Variants in PITPNC1 observed in about 807,000 individuals in gnomAD.
The protein encoded by PITPNC1 is cytoplasmic phosphatidylinositol transfer protein 1.
In PITPNC1, 18 loss-of-function variants were observed where a neutral mutation model predicts 44.7. The observed-to-expected ratio is 0.40, with a 90% CI of 0.28 to 0.60. The LOEUF (loss-of-function observed/expected upper bound fraction) is 0.60. Among genes scored for constraint, PITPNC1 ranks in the 20% least tolerant of loss-of-function variants. PITPNC1 has a pLI of 0.39. For missense variants in PITPNC1, 290 were observed against 418.4 expected (o/e 0.69, Z 2.68); for synonymous variants, 141 against 149.6 (o/e 0.94, Z 0.42).
chr17:67,420,724 G>T (rs574997211), intron 1 of PITPNC1, among the ~76,000 whole-genome samples: 3 of 151,992 alleles, frequency 2.0e-5, no homozygotes, highest in Non-Finnish European at 4.4e-5. Context: ...GAGCCACTGC[G>T]CCCGGCCTCA....
chr17:67,396,315 T>G (rs2038219125), intron 1 of PITPNC1, among the ~76,000 whole-genome samples: 1 of 152,224 alleles, frequency 6.6e-6, no homozygotes, highest in Admixed American at 6.5e-5. Flanking sequence ...AGGAGTTGTT[T>G]CTTTTACATT....
intron 1 of PITPNC1, among the ~76,000 whole-genome samples, chr17:67,422,834 C>G (rs952911703): frequency 1.3e-5 from 2 of 152,140 alleles, no homozygotes; most frequent in Non-Finnish European, 2.9e-5. Context: ...GCTACCACGC[C>G]GGTCTAGCTT....
At chr17:67,558,797 G>A (rs1241112714) in intron 4 of PITPNC1, among the ~76,000 whole-genome samples, 1 of 152,000 alleles carries the variant, frequency 6.6e-6, no homozygotes, top group Admixed American at 6.6e-5. Context: ...TGAGAGAGGT[G>A]GAAAAATAAA....
rs757236758 is a variant in PITPNC1, at chr17:67,516,635, T to G, written c.49-16167T>G. ...CCCCGTTCTTTCTTGCCATGCTAGT[T>G]TCTTTTTTGAGATGGAGTCTAGCTC... On this transcript the variant is annotated intron_variant, in intron 1 of 8. Transcript: ENST00000581322. Among the ~76,000 whole-genome samples the G allele has an allele frequency of 4.3e-4, 65 of 152,266 alleles. 1 individual carries two copies. The highest frequency in any genetic ancestry group is 4.7e-4 in the Non-Finnish European group (32 of 68,018).
At chr17:67,633,741 A>C (rs781700183) in intron 6 of PITPNC1, among the ~76,000 whole-genome samples, 1 of 152,276 alleles carries the variant, frequency 6.6e-6, no homozygotes, top group Non-Finnish European at 1.5e-5. Context: ...CCAGTGCTTA[A>C]TGGGGCTCTG....
intron 4 of PITPNC1, among the ~76,000 whole-genome samples, chr17:67,556,331 T>G (rs2040838181): frequency 6.6e-6 from 1 of 152,184 alleles, no homozygotes; most frequent in African/African-American, 2.4e-5. Context: ...GTTGTCAACC[T>G]TAGTAAGTGA....
chr17:67,408,751 T>C (rs183528937), intron 1 of PITPNC1: 28 of 150,270 alleles, frequency 1.9e-4, no homozygotes, highest in African/African-American at 6.7e-4. Flanking sequence ...TCTCTCTTTC[T>C]TTCTTTCTTT....
intron 5 of PITPNC1, among the ~76,000 whole-genome samples, chr17:67,623,784 G>A (rs2041862804): frequency 6.6e-6 from 1 of 152,166 alleles, no homozygotes; most frequent in South Asian, 2.1e-4. Flanking sequence ...CAAAGTTTCT[G>A]TTGTAGAGAA....
At chr17:67,648,935 C>G (rs1004139711) in intron 6 of PITPNC1, among the ~76,000 whole-genome samples, 15 of 152,194 alleles carry the variant, frequency 9.9e-5, no homozygotes, top group African/African-American at 3.6e-4. Context: ...GGGAGGATCA[C>G]TTGAGGCCAG....
intron 5 of PITPNC1, among the ~76,000 whole-genome samples, chr17:67,629,933 G>C (rs2041944957): frequency 6.6e-6 from 1 of 152,188 alleles, no homozygotes; most frequent in South Asian, 2.1e-4. Context: ...GGACAAATCT[G>C]AAGAGTCCAG....
At chr17:67,647,464 G>GTTTTTTTTGTTTTTTTTTTTTTTT (rs2042162118) in intron 6 of PITPNC1, among the ~76,000 whole-genome samples, 6 of 72,360 alleles carry the variant, frequency 8.3e-5, no homozygotes, top group African/African-American at 2.2e-4. Flanking sequence ...CTAATTTTGG[G>GTTTTTTTTGTTTTTTTTTTTTTTT]TTTTTTTTTT....
intron 1 of PITPNC1, among the ~76,000 whole-genome samples, chr17:67,515,118 A>G (rs545997136): frequency 6.6e-6 from 1 of 152,328 alleles, no homozygotes; most frequent in East Asian, 1.9e-4. Flanking sequence ...AGAAGGAACC[A>G]GGCTGACCTT....
At chr17:67,464,623 G>C (rs928074582) in intron 1 of PITPNC1, among the ~76,000 whole-genome samples, 1 of 152,156 alleles carries the variant, frequency 6.6e-6, no homozygotes, top group South Asian at 2.1e-4. Flanking sequence ...CAGTGGACCA[G>C]GAGAAGATTG....
chr17:67,680,029 A>G (rs1242984685), intron 8 of PITPNC1, among the ~76,000 whole-genome samples: 1 of 152,188 alleles, frequency 6.6e-6, no homozygotes, highest in Non-Finnish European at 1.5e-5. Flanking sequence ...TGTAGACGAC[A>G]CTACCTCATG....
At chr17:67,443,132 C>G (rs1018622075) in intron 1 of PITPNC1, among the ~76,000 whole-genome samples, 5 of 152,012 alleles carry the variant, frequency 3.3e-5, no homozygotes, top group African/African-American at 1.2e-4. Context: ...CAATCTGGCC[C>G]CCACCTAACC....
chr17:67,635,159 G>A (rs2042018909), intron 6 of PITPNC1, among the ~76,000 whole-genome samples: 4 of 152,224 alleles, frequency 2.6e-5, no homozygotes. Flanking sequence ...GTTCTGGATG[G>A]AGAATGGACT....
At chr17:67,387,440 C>T (rs1320414763) in intron 1 of PITPNC1, among the ~76,000 whole-genome samples, 1 of 152,116 alleles carries the variant, frequency 6.6e-6, no homozygotes, top group Admixed American at 6.5e-5. Flanking sequence ...CCGAGGCAGA[C>T]GGGTCACTTG....
chr17:67,583,233 G>T (rs968438920), intron 5 of PITPNC1, among the ~76,000 whole-genome samples: 4 of 152,144 alleles, frequency 2.6e-5, no homozygotes, highest in African/African-American at 9.7e-5. Flanking sequence ...GGAGACATTG[G>T]CTATGCTGTC....
chr17:67,672,127 T>G lies in PITPNC1; in HGVS notation c.618+2464T>G, dbSNP rs555952218. ...TTTTGTATTATTAGTAGAGACGGGG[T>G]TTCACCATGTTAGCCAGGCCAGTCT... is the stretch of plus-strand genomic sequence containing the variant. On this transcript the variant is annotated intron_variant, in intron 7 of 8. Coordinates refer to ENST00000581322, the MANE Select transcript of PITPNC1 (RefSeq NM_012417.4). Among the ~76,000 whole-genome samples the G allele has an allele frequency of 2.1e-4, 32 of 151,784 alleles. No homozygotes were observed. In the East Asian group the frequency reaches 6.1e-3, roughly 29 times the overall value.
Sources: allele counts gnomAD v4.1 joint callset (sites outside exome capture counted in the v4.1 genomes callset), GRCh38; gene constraint gnomAD v4.1.1; transcripts MANE v1.5; gene names NCBI Gene and HGNC (gene_info 2026-07-23, HGNC 2026-07-21).